Variants in LONP2 observed in about 807,000 individuals in gnomAD.
LONP2 encodes lon peptidase 2, peroxisomal.
Under a neutral mutation model 85.6 loss-of-function variants are expected in LONP2, and 60 were observed. That is an observed-to-expected ratio of 0.70 (90% CI 0.57 to 0.87). The LOEUF is 0.87. LONP2 is among the 40% of genes least tolerant of loss of function. The pLI, the probability that LONP2 is intolerant of heterozygous loss-of-function variation, is 0.00. For synonymous variants in LONP2, 395 were observed against 389.7 expected (o/e 1.01, Z -0.16); for missense variants, 860 against 1,063.5 (o/e 0.81, Z 2.66).
chr16:48,247,553 G>C (rs1971480493), intron 1 of LONP2: 1 of 59,908 alleles, frequency 1.7e-5, no homozygotes, highest in Non-Finnish European at 3.9e-5. Flanking sequence ...CATGTTGCCT[G>C]CAGGAGCCTT....
intron 12 of LONP2, among the ~76,000 whole-genome samples, chr16:48,340,114 G>A (rs928431101): frequency 2.0e-5 from 3 of 152,230 alleles, no homozygotes; most frequent in African/African-American, 7.2e-5. Context: ...GTCAGAGACA[G>A]TGAAGAGAGA....
At chr16:48,318,401 C>T (rs1332054345) in intron 11 of LONP2, among the ~76,000 whole-genome samples, 1 of 152,012 alleles carries the variant, frequency 6.6e-6, no homozygotes, top group Non-Finnish European at 1.5e-5. Context: ...CACCTGTAGT[C>T]CCAGCTACTT....
chr16:48,351,609 C>T lies in LONP2; in HGVS notation c.2366C>T (p.Ala789Val), dbSNP rs1960151170. The T allele has an allele frequency of 1.2e-6, 2 of 1,613,854 alleles. No individual in the cohort carries two copies. Among genetic ancestry groups the T allele is most frequent in the Non-Finnish European group, 8.5e-7 (1 of 1,179,920 alleles). ...PVGGIKDKVL[A>V]AHRAGLKQVI... ...GGTGGAATTAAAGACAAAGTGCTGG[C>T]GGCACACAGAGCGGGACTGAAGCAA... The change falls in exon 15 of 15, where the codon GCG becomes GTG. Residue 789 changes from alanine to valine, a missense_variant. By Grantham distance (64) the Ala-to-Val change is moderately conservative. Around this residue, in one of 3 missense-constraint regions of LONP2, gnomAD observed 115 missense variants for 129.0 expected, o/e 0.89. Coordinates refer to ENST00000285737, the MANE Select transcript of LONP2 (RefSeq NM_031490.5).
chr16:48,277,538 A>G (rs1972237821), intron 8 of LONP2, 59 bp downstream of exon 8: 1 of 1,549,306 alleles, frequency 6.5e-7, no homozygotes, highest in Admixed American at 1.8e-5. Flanking sequence ...AGGAGGGTTG[A>G]TAATCATATT....
chr16:48,283,298 T>C (rs1191322975), intron 8 of LONP2, among the ~76,000 whole-genome samples: 2 of 152,252 alleles, frequency 1.3e-5, no homozygotes, highest in Non-Finnish European at 1.5e-5. Context: ...TAAAGGTGGC[T>C]ACACTAAAAA....
At chr16:48,259,387 C>G (rs1335438869) in intron 4 of LONP2, among the ~76,000 whole-genome samples, 2 of 152,198 alleles carry the variant, frequency 1.3e-5, no homozygotes, top group Non-Finnish European at 1.5e-5. Context: ...CCATTATCAT[C>G]TATTACATTT....
chr16:48,275,380 T>C (rs1294142407), intron 7 of LONP2, among the ~76,000 whole-genome samples: 1 of 152,152 alleles, frequency 6.6e-6, no homozygotes, highest in Non-Finnish European at 1.5e-5. Context: ...GGGAACAATC[T>C]TACAGCTCTA....
At chr16:48,250,922 T>C (rs896566119) in intron 1 of LONP2, among the ~76,000 whole-genome samples, 3 of 152,228 alleles carry the variant, frequency 2.0e-5, no homozygotes, top group African/African-American at 7.2e-5. Flanking sequence ...GTGATTTTTT[T>C]CCCTCACCAA....
chr16:48,350,112 G>A (rs1960093921), intron 14 of LONP2, among the ~76,000 whole-genome samples: 1 of 152,226 alleles, frequency 6.6e-6, no homozygotes. Flanking sequence ...GAGGCTGGGT[G>A]TGGTGGCTCA....
At chr16:48,293,998 G>A (rs192231217) in intron 8 of LONP2, among the ~76,000 whole-genome samples, 27 of 152,306 alleles carry the variant, frequency 1.8e-4, no homozygotes, top group Admixed American at 3.9e-4. Context: ...GTGCAGTGGC[G>A]TGATCTCAGC....
intron 3 of LONP2, among the ~76,000 whole-genome samples, chr16:48,258,407 G>C (rs1971807703): frequency 6.6e-6 from 1 of 151,510 alleles, no homozygotes; most frequent in South Asian, 2.1e-4. Flanking sequence ...CCAAGATCCT[G>C]TTTTTTCTTT....
At chr16:48,309,111 A>T (rs1161122223) in intron 11 of LONP2, among the ~76,000 whole-genome samples, 1 of 152,210 alleles carries the variant, frequency 6.6e-6, no homozygotes, top group African/African-American at 2.4e-5. Flanking sequence ...ATCTTATACC[A>T]GTCAAAATGG....
downstream of LONP2, among the ~76,000 whole-genome samples, chr16:48,360,024 A>G (rs1228424989): frequency 3.3e-5 from 5 of 152,262 alleles, no homozygotes; most frequent in African/African-American, 1.2e-4. Context: ...GGTAGCTAAC[A>G]TTCGCTGGAT....
chr16:48,254,779 C>T (rs1373581686), intron 2 of LONP2, among the ~76,000 whole-genome samples: 2 of 152,144 alleles, frequency 1.3e-5, no homozygotes, highest in Non-Finnish European at 2.9e-5. Context: ...TATTTTTTCT[C>T]TACCAAACTT....
At chr16:48,316,499 G>T (rs1473703352) in intron 11 of LONP2, among the ~76,000 whole-genome samples, 4 of 150,358 alleles carry the variant, frequency 2.7e-5, no homozygotes, top group Non-Finnish European at 5.9e-5. Context: ...ACCAATTTTT[G>T]TATTTTTAGT....
intron 6 of LONP2, 112 bp from the exon 7 acceptor site, chr16:48,269,904 T>C: frequency 9.1e-7 from 1 of 1,095,344 alleles, no homozygotes; most frequent in Non-Finnish European, 1.3e-6. Context: ...CCAAGTCTGT[T>C]CTTATCACAT....
chr16:48,333,682 A>AAG lies in LONP2; in HGVS notation c.1796-518_1796-517dup, dbSNP rs1226126441. Among the ~76,000 whole-genome samples, 85 of 146,466 alleles carry AAG rather than the reference A, an allele frequency of 5.8e-4. 1 individual carries two copies. Among genetic ancestry groups the AAG allele is most frequent in the Admixed American group, 4.6e-3 (67 of 14,660 alleles). On this transcript the variant is annotated intron_variant, in intron 11 of 14. Transcript: ENST00000285737. ...AAAAAGTGTTGGGGGGAGAGAGAGA[A>AAG]AGAGAGAGAGAGAGAGAAGAGGAGG... is the stretch of plus-strand genomic sequence containing the variant.
rs780538891 is a variant in LONP2, at chr16:48,277,366, C to T, written c.1270C>T (p.Arg424Cys). 7.4e-6 allele frequency: 12 copies of T among 1,613,250 alleles called. No individual in the cohort carries two copies. Among genetic ancestry groups the T allele is most frequent in the East Asian group, 6.7e-5 (3 of 44,806 alleles). The change falls in exon 8 of 15, where the codon CGC (arginine) becomes TGC (cysteine). Residue 424 changes from arginine to cysteine, a missense_variant. Transcript: ENST00000285737. The stretch of plus-strand genomic sequence containing the variant: ...CACCTATGTTGGCAGCATGCCTGGT[C>T]GCATCATCAACGGCTTGAAGACTGT... ...RRTYVGSMPG[R>C]IINGLKTVGV...
Position 48,252,376 on chromosome 16 carries a change from T to G in LONP2, c.468+11T>G. 2.6e-6 allele frequency: 4 copies of G among 1,531,104 alleles called. No homozygotes were observed. Among genetic ancestry groups the G allele is most frequent in the Non-Finnish European group, 3.5e-6 (4 of 1,136,096 alleles). The allele number at this position is 1,531,104 out of a possible 1,614,324, so 94.8% of individuals were successfully genotyped here. On this transcript the variant is annotated intron_variant, in intron 2 of 14. Transcript: ENST00000285737. ...AAATATGCAGTACAAGTAAGTTGCT[T>G]TTATTTTTTCTTAAAACCCATTTTT...
Sources: gnomAD v4.1 joint callset for allele counts (sites outside exome capture counted in the v4.1 genomes callset) on GRCh38, gnomAD v4.1.1 for gene constraint, gnomAD v4.1.1 regional missense constraint, MANE v1.5 for transcripts, NCBI Gene and HGNC (gene_info 2026-07-23, HGNC 2026-07-21) for gene names.